Variants in EYA2 observed in about 807,000 individuals in gnomAD.
EYA2 encodes the protein protein phosphatase EYA2.
Under a neutral mutation model 69.2 loss-of-function variants are expected in EYA2, and 31 were observed. That is an observed-to-expected ratio of 0.45 (90% CI 0.34 to 0.60). The LOEUF is 0.60. EYA2 is among the 20% of genes least tolerant of loss of function. The pLI, the probability that EYA2 is intolerant of heterozygous loss-of-function variation, is 0.02. For synonymous variants in EYA2, 257 were observed against 279.4 expected (o/e 0.92, Z 0.80); for missense variants, 622 against 701.2 (o/e 0.89, Z 1.28).
intron 4 of EYA2, among the ~76,000 whole-genome samples, chr20:47,011,814 A>G (rs1983074732): frequency 6.6e-6 from 1 of 152,122 alleles, no homozygotes. Context: ...TCTTCTTTTT[A>G]GCACCTTAAG....
At chr20:47,018,207 A>G (rs2146373848) in intron 5 of EYA2, among the ~76,000 whole-genome samples, 1 of 152,352 alleles carries the variant, frequency 6.6e-6, no homozygotes. Flanking sequence ...CTGAGGCCAC[A>G]GAGGTTGAAA....
chr20:47,001,391 C>A, intron 2 of EYA2, 37 bp from the exon 3 acceptor site: 1 of 1,600,484 alleles, frequency 6.2e-7, no homozygotes, highest in Non-Finnish European at 8.6e-7. Context: ...TCACCCTAAT[C>A]GCTAAAACTC....
intron 7 of EYA2, among the ~76,000 whole-genome samples, chr20:47,078,309 A>C (rs2031586964): frequency 7.3e-6 from 1 of 137,460 alleles, no homozygotes; most frequent in African/African-American, 2.8e-5. Flanking sequence ...GTGTGTGCAC[A>C]TGTGCACGTG....
At chr20:46,984,095 C>A (rs1981018592) in intron 1 of EYA2, among the ~76,000 whole-genome samples, 2 of 151,882 alleles carry the variant, frequency 1.3e-5, no homozygotes, top group Non-Finnish European at 2.9e-5. Flanking sequence ...AACTTTAAAC[C>A]ACATAAAAAG....
chr20:47,083,635 A>G (rs1444859179), intron 7 of EYA2, among the ~76,000 whole-genome samples: 1 of 151,824 alleles, frequency 6.6e-6, no homozygotes, highest in Non-Finnish European at 1.5e-5. Flanking sequence ...ACCTCACATG[A>G]CACACAAAAA....
At chr20:47,170,423 G>C (rs1341725444) in intron 11 of EYA2, among the ~76,000 whole-genome samples, 1 of 151,566 alleles carries the variant, frequency 6.6e-6, no homozygotes, top group African/African-American at 2.4e-5. Flanking sequence ...AAGGCGCAAG[G>C]ATCACCTGAG....
At chr20:46,984,394 T>G (rs1488964506) in intron 1 of EYA2, among the ~76,000 whole-genome samples, 1 of 139,174 alleles carries the variant, frequency 7.2e-6, no homozygotes, top group African/African-American at 2.7e-5. Context: ...AAAAAAAAAA[T>G]AGAAAACCCA....
At chr20:46,906,137 G>T (rs930790610) in intron 1 of EYA2, among the ~76,000 whole-genome samples, 3 of 152,072 alleles carry the variant, frequency 2.0e-5, no homozygotes, top group African/African-American at 7.2e-5. Flanking sequence ...GAAACAAATG[G>T]TTTTACAATT....
At chr20:47,141,079 C>G (rs926781074) in intron 9 of EYA2, among the ~76,000 whole-genome samples, 1 of 152,200 alleles carries the variant, frequency 6.6e-6, no homozygotes, top group African/African-American at 2.4e-5. Flanking sequence ...CATTGGAGAT[C>G]AAATTTCAAC....
At chr20:46,933,077 A>G (rs1384171191) in intron 1 of EYA2, among the ~76,000 whole-genome samples, 3 of 152,162 alleles carry the variant, frequency 2.0e-5, no homozygotes, top group Non-Finnish European at 4.4e-5. Context: ...TGTCTCAGGT[A>G]TATCTTTATA....
intron 5 of EYA2, among the ~76,000 whole-genome samples, chr20:47,058,605 G>A (rs958504841): frequency 2.0e-5 from 3 of 152,220 alleles, no homozygotes; most frequent in Admixed American, 1.3e-4. Flanking sequence ...AGTGCTTTGA[G>A]AGGTCAAGGT....
chr20:47,188,495 T>C lies in EYA2; in HGVS notation c.*362T>C. On this transcript the variant is annotated 3_prime_UTR_variant, in exon 16 of 16. Coordinates refer to ENST00000327619, the MANE Select transcript of EYA2 (RefSeq NM_005244.5). The stretch of plus-strand genomic sequence containing the variant: ...TTTTTAATTTATGGACTAGTCTCAT[T>C]ACTCCGGAATTATGCTCTTGTACCT... 1.9e-6 allele frequency: 1 copy of C among 521,994 alleles called. No homozygotes were observed. Among genetic ancestry groups the C allele is most frequent in the Non-Finnish European group, 3.4e-6 (1 of 296,582 alleles). The allele number at this position is 521,994 out of a possible 1,614,324, so 32.3% of individuals were successfully genotyped here.
intron 10 of EYA2, among the ~76,000 whole-genome samples, chr20:47,164,481 G>A (rs769168060): frequency 6.6e-6 from 1 of 152,210 alleles, no homozygotes; most frequent in Non-Finnish European, 1.5e-5. Context: ...CTGGGGGGCG[G>A]AGGGGGTGTT....
intron 1 of EYA2, among the ~76,000 whole-genome samples, chr20:46,985,168 G>A (rs753599565): frequency 3.2e-4 from 48 of 152,170 alleles, no homozygotes; most frequent in Admixed American, 7.2e-4. Context: ...AATCTTGTTG[G>A]AAGAAGGTGA....
chr20:47,112,721 C>T (rs1055719194), intron 9 of EYA2, among the ~76,000 whole-genome samples: 2 of 152,042 alleles, frequency 1.3e-5, no homozygotes, highest in Admixed American at 6.6e-5. Context: ...TCCACAACCA[C>T]CTTCTTGAGG....
chr20:47,005,449 C>T (rs961199994), intron 4 of EYA2, among the ~76,000 whole-genome samples: 5 of 152,242 alleles, frequency 3.3e-5, no homozygotes, highest in African/African-American at 1.2e-4. Flanking sequence ...CCAGCAAGTT[C>T]TCCCTGCATG....
At chr20:47,098,153 TTGG>T (rs1248214550) in intron 9 of EYA2, among the ~76,000 whole-genome samples, 2 of 152,210 alleles carry the variant, frequency 1.3e-5, no homozygotes, top group Non-Finnish European at 1.5e-5. Context: ...AAAAATGGTG[TTGG>T]TGGTGCAGAA....
intron 8 of EYA2, among the ~76,000 whole-genome samples, chr20:47,092,680 G>A (rs1407787748): frequency 6.6e-6 from 1 of 152,102 alleles, no homozygotes; most frequent in Non-Finnish European, 1.5e-5. Context: ...TAGAAGTCAG[G>A]GATTATAGGG....
chr20:47,045,075 T>C (rs1041341387), intron 5 of EYA2, among the ~76,000 whole-genome samples: 1 of 152,178 alleles, frequency 6.6e-6, no homozygotes, highest in African/African-American at 2.4e-5. Context: ...CACCCCAAAA[T>C]GCAGTGGCTT....
Sources: gnomAD v4.1 joint callset for allele counts (sites outside exome capture counted in the v4.1 genomes callset) on GRCh38, gnomAD v4.1.1 for gene constraint, MANE v1.5 for transcripts, NCBI Gene and HGNC (gene_info 2026-07-23, HGNC 2026-07-21) for gene names.